XKR6: variants seen among roughly 807,000 people sequenced by gnomAD.
XKR6 encodes XK-related protein 6.
XKR6 carries 22 observed loss-of-function variants against 56.7 expected under a neutral mutation model. That is an observed-to-expected ratio of 0.39 (90% CI 0.28 to 0.55). XKR6 has a LOEUF of 0.55. Among genes scored for constraint, XKR6 ranks in the 20% least tolerant of loss-of-function variants. The pLI is 0.66. For synonymous variants in XKR6, 524 were observed against 387.8 expected, an observed-to-expected ratio of 1.35 and a Z score of -4.13; for missense variants, 852 against 889.0, an observed-to-expected ratio of 0.96 and a Z score of 0.53.
chr8:10,919,906 T>C (rs1800663849), intron 2 of XKR6, among the ~76,000 whole-genome samples: 1 of 152,234 alleles, frequency 6.6e-6, no homozygotes, highest in African/African-American at 2.4e-5. Flanking sequence ...TGCAGAAATG[T>C]CCAAATGACT....
chr8:10,966,077 G>A (rs1802213828), intron 1 of XKR6, among the ~76,000 whole-genome samples: 1 of 152,150 alleles, frequency 6.6e-6, no homozygotes, highest in Admixed American at 6.5e-5. Context: ...ACTTGGGTGG[G>A]GAGGAGGATT....
intron 1 of XKR6, among the ~76,000 whole-genome samples, chr8:10,987,617 G>T (rs988095928): frequency 6.6e-6 from 1 of 152,100 alleles, no homozygotes; most frequent in Non-Finnish European, 1.5e-5. Context: ...AGTGTATTCT[G>T]GACACAGTGA....
At chr8:10,994,934 C>T (rs1473701689) in intron 1 of XKR6, among the ~76,000 whole-genome samples, 2 of 152,150 alleles carry the variant, frequency 1.3e-5, no homozygotes, top group African/African-American at 4.8e-5. Context: ...ACACAGAAAA[C>T]ACACTTCCAG....
At chr8:11,024,044 A>G (rs774587318) in intron 1 of XKR6, among the ~76,000 whole-genome samples, 5 of 152,220 alleles carry the variant, frequency 3.3e-5, no homozygotes, top group African/African-American at 4.8e-5. Flanking sequence ...TACCAAAGAC[A>G]TGGCACATCC....
chr8:10,900,263 A>G (rs533093757), intron 2 of XKR6, among the ~76,000 whole-genome samples: 4 of 152,234 alleles, frequency 2.6e-5, no homozygotes, highest in African/African-American at 7.2e-5. Context: ...AGCCCCATTC[A>G]TCAAGACACT....
intron 1 of XKR6, among the ~76,000 whole-genome samples, chr8:11,184,026 ATATAAG>A (rs1803134200): frequency 6.6e-6 from 1 of 152,222 alleles, no homozygotes; most frequent in Non-Finnish European, 1.5e-5. Flanking sequence ...GCACCAGATA[ATATAAG>A]CAAATATAAC....
intron 2 of XKR6, among the ~76,000 whole-genome samples, chr8:10,919,009 C>T (rs1283257832): frequency 6.6e-6 from 1 of 152,196 alleles, no homozygotes; most frequent in Non-Finnish European, 1.5e-5. Flanking sequence ...CAAAAGCAAG[C>T]CTGGCGGTGT....
intron 1 of XKR6, among the ~76,000 whole-genome samples, chr8:10,979,641 G>A (rs1015737553): frequency 6.6e-6 from 1 of 152,156 alleles, no homozygotes; most frequent in Non-Finnish European, 1.5e-5. Flanking sequence ...CTCCTCCTTG[G>A]GGGACACACG....
At chr8:11,139,620 G>A (rs1470291829) in intron 1 of XKR6, among the ~76,000 whole-genome samples, 1 of 152,182 alleles carries the variant, frequency 6.6e-6, no homozygotes, top group Non-Finnish European at 1.5e-5. Flanking sequence ...ACACTGAGGA[G>A]AAAGTGCTGG....
intron 1 of XKR6, among the ~76,000 whole-genome samples, chr8:11,012,054 G>A (rs1041850086): frequency 1.8e-4 from 28 of 152,234 alleles, no homozygotes; most frequent in African/African-American, 2.4e-5. Flanking sequence ...TAAGGACTCT[G>A]AAGAGGAGAA....
At chr8:10,951,284 A>AGTGTGTCTGTGTGTGTGT (rs1554514565) in intron 1 of XKR6, among the ~76,000 whole-genome samples, 1 of 91,698 alleles carries the variant, frequency 1.1e-5, no homozygotes, top group Non-Finnish European at 2.6e-5. Flanking sequence ...GGGATAGAAA[A>AGTGTGTCTGTGTGTGTGT]GTGTGTGTGT....
intron 1 of XKR6, among the ~76,000 whole-genome samples, chr8:11,153,782 T>G (rs544006676): frequency 3.0e-4 from 45 of 152,304 alleles, no homozygotes; most frequent in African/African-American, 1.0e-3. Flanking sequence ...TATCTTGGAC[T>G]CCTTCCTCTC....
At chr8:10,998,397 C>A (rs368743150) in intron 1 of XKR6, among the ~76,000 whole-genome samples, 3 of 152,174 alleles carry the variant, frequency 2.0e-5, no homozygotes, top group Non-Finnish European at 4.4e-5. Context: ...CCTAGAATAA[C>A]GAGTCTGCGT....
intron 1 of XKR6, among the ~76,000 whole-genome samples, chr8:11,140,109 G>A (rs951828271): frequency 2.7e-5 from 4 of 150,624 alleles, no homozygotes; most frequent in African/African-American, 7.3e-5. Context: ...CAGGCGGCTC[G>A]AAGAAGAAAA....
intron 1 of XKR6, among the ~76,000 whole-genome samples, chr8:10,988,735 A>C (rs1314552479): frequency 1.3e-5 from 2 of 152,246 alleles, no homozygotes; most frequent in African/African-American, 2.4e-5. Context: ...CACCAAAGGA[A>C]GAAAAGAGAT....
chr8:11,111,868 G>A (rs1798913333), intron 1 of XKR6: 1 of 151,742 alleles, frequency 6.6e-6, no homozygotes, highest in South Asian at 2.1e-4. Context: ...TTCTGAACAT[G>A]CCATCACCAA....
intron 1 of XKR6, among the ~76,000 whole-genome samples, chr8:11,116,764 A>C (rs1006159844): frequency 1.3e-5 from 2 of 152,166 alleles, no homozygotes; most frequent in African/African-American, 4.8e-5. Flanking sequence ...TCACAACCTC[A>C]TCCATGCCAC....
intron 1 of XKR6, among the ~76,000 whole-genome samples, chr8:11,071,323 T>C (rs1800108188): frequency 6.6e-6 from 1 of 152,156 alleles, no homozygotes; most frequent in Admixed American, 6.5e-5. Context: ...CACTGCAACC[T>C]CCACCTCCTG....
intron 2 of XKR6, among the ~76,000 whole-genome samples, chr8:10,911,558 A>G (rs1002275479): frequency 3.4e-5 from 5 of 146,442 alleles, no homozygotes; most frequent in African/African-American, 1.3e-4. Context: ...TATAGAGAGA[A>G]TATCTATATA....
Sources: allele counts gnomAD v4.1 joint callset (sites outside exome capture counted in the v4.1 genomes callset), GRCh38; gene constraint gnomAD v4.1.1; transcripts MANE v1.5; gene names NCBI Gene and HGNC (gene_info 2026-07-23, HGNC 2026-07-21).